Variants in HCN1 observed in about 807,000 individuals in gnomAD.
HCN1 encodes the protein potassium/sodium hyperpolarization-activated cyclic nucleotide-gated channel 1.
A neutral mutation model predicts 78.9 loss-of-function variants in HCN1; 13 were observed. The observed-to-expected ratio is 0.16, with a 90% CI of 0.11 to 0.26. The LOEUF (loss-of-function observed/expected upper bound fraction) is 0.26. HCN1 is among the 10% of genes least tolerant of loss of function. The probability of loss-of-function intolerance (pLI) is 1.00; values close to 1 mark genes in which losing one functional copy is unlikely to be tolerated. For synonymous variants in HCN1, 552 were observed against 455.5 expected (o/e 1.21, Z -2.70); for missense variants, 810 against 1,154.3 (o/e 0.70, Z 4.32).
At chr5:45,454,434 G>C (rs1740983894) in intron 3 of HCN1, among the ~76,000 whole-genome samples, 1 of 149,682 alleles carries the variant, frequency 6.7e-6, no homozygotes. Context: ...TTTTCCAGTA[G>C]AGCTACAGTG....
intron 3 of HCN1, among the ~76,000 whole-genome samples, chr5:45,406,315 A>G (rs1739918590): frequency 6.6e-6 from 1 of 152,180 alleles, no homozygotes; most frequent in African/African-American, 2.4e-5. Flanking sequence ...TAGTGAATAT[A>G]TTTTATGTGT....
chr5:45,426,350 G>T (rs1174234692), intron 3 of HCN1, among the ~76,000 whole-genome samples: 3 of 152,118 alleles, frequency 2.0e-5, no homozygotes, highest in Non-Finnish European at 4.4e-5. Context: ...AACAGGATAT[G>T]TCCCTGATAT....
At chr5:45,286,206 G>A (rs1745267837) in intron 6 of HCN1, among the ~76,000 whole-genome samples, 1 of 151,710 alleles carries the variant, frequency 6.6e-6, no homozygotes. Flanking sequence ...TACTTATATG[G>A]TTTAAAAATA....
intron 2 of HCN1, among the ~76,000 whole-genome samples, chr5:45,566,153 C>T (rs1743703409): frequency 6.6e-6 from 1 of 152,100 alleles, no homozygotes; most frequent in African/African-American, 2.4e-5. Flanking sequence ...CTCATCTCTC[C>T]TAATCTGAGA....
chr5:45,561,024 T>C (rs554118221), intron 2 of HCN1, among the ~76,000 whole-genome samples: 1 of 152,234 alleles, frequency 6.6e-6, no homozygotes, highest in East Asian at 1.9e-4. Flanking sequence ...GATTCTGTCT[T>C]TGTTTCTACT....
intron 2 of HCN1, among the ~76,000 whole-genome samples, chr5:45,491,282 C>A (rs970043471): frequency 5.9e-5 from 9 of 152,076 alleles, no homozygotes; most frequent in South Asian, 4.1e-4. Flanking sequence ...GTAAGTCTTA[C>A]GTCAAGCTTT....
chr5:45,391,749 G>A (rs1010088452), intron 4 of HCN1, among the ~76,000 whole-genome samples: 1 of 152,074 alleles, frequency 6.6e-6, no homozygotes, highest in Non-Finnish European at 1.5e-5. Flanking sequence ...AATTCTAGAA[G>A]AGAAAGCAGA....
intron 2 of HCN1, among the ~76,000 whole-genome samples, chr5:45,637,891 AT>A (rs1745383903): frequency 6.6e-6 from 1 of 152,146 alleles, no homozygotes; most frequent in Non-Finnish European, 1.5e-5. Flanking sequence ...TTACAGAAAT[AT>A]TTTCAGCAGG....
At chr5:45,275,247 GAA>G (rs779327836) in intron 6 of HCN1, among the ~76,000 whole-genome samples, 3 of 103,728 alleles carry the variant, frequency 2.9e-5, no homozygotes, top group East Asian at 2.9e-4. Context: ...CTCTGTCTCA[GAA>G]AAAAAAAAAA....
At chr5:45,620,950 G>C (rs1486179868) in intron 2 of HCN1, among the ~76,000 whole-genome samples, 2 of 152,060 alleles carry the variant, frequency 1.3e-5, no homozygotes, top group Non-Finnish European at 2.9e-5. Flanking sequence ...GTTAAAACTG[G>C]ATTAGACAAT....
At position 45,315,024 on chromosome 5, in the gene HCN1, T is replaced by G. The variant is rs762601206; in HGVS notation, c.1378-11185A>C. Among the ~76,000 whole-genome samples, 38 of 152,038 alleles carry G rather than the reference T, an allele frequency of 2.5e-4. 1 individual carries two copies. The highest frequency in any genetic ancestry group is 5.9e-4 in the Admixed American group (9 of 15,244). On this transcript the variant is annotated intron_variant, in intron 5 of 7. Coordinates refer to ENST00000303230, the MANE Select transcript of HCN1 (RefSeq NM_021072.4). ...GATCAACGAGACAGAAAGTTAACCA[T>G]GATATCCAGGAATTGAACTCAGCTC...
At chr5:45,476,102 G>A (rs558092193) in intron 2 of HCN1, among the ~76,000 whole-genome samples, 10 of 152,108 alleles carry the variant, frequency 6.6e-5, no homozygotes, top group Non-Finnish European at 1.2e-4. Flanking sequence ...GCATTCTCAA[G>A]GTTTCCATAG....
intron 3 of HCN1, among the ~76,000 whole-genome samples, chr5:45,425,784 C>T (rs1740334299): frequency 6.6e-6 from 1 of 152,102 alleles, no homozygotes; most frequent in Non-Finnish European, 1.5e-5. Flanking sequence ...AGAGATTTTA[C>T]CGACAGAAGA....
intron 2 of HCN1, among the ~76,000 whole-genome samples, chr5:45,478,897 G>C (rs1362039659): frequency 1.3e-5 from 2 of 152,164 alleles, no homozygotes; most frequent in Non-Finnish European, 2.9e-5. Context: ...GCCGAGGCGG[G>C]CAGATCATGA....
intron 2 of HCN1, among the ~76,000 whole-genome samples, chr5:45,519,216 C>T (rs1166177517): frequency 6.6e-6 from 1 of 151,980 alleles, no homozygotes; most frequent in Non-Finnish European, 1.5e-5. Context: ...TCTGAGTTTT[C>T]TCCTCCTAAG....
intron 5 of HCN1, among the ~76,000 whole-genome samples, chr5:45,313,930 T>C (rs1165954546): frequency 6.6e-6 from 1 of 152,188 alleles, no homozygotes; most frequent in African/African-American, 2.4e-5. Context: ...ACAACCAAGT[T>C]GGAAAACACT....
At chr5:45,323,580 T>C (rs1746171564) in intron 5 of HCN1, among the ~76,000 whole-genome samples, 1 of 152,062 alleles carries the variant, frequency 6.6e-6, no homozygotes, top group Non-Finnish European at 1.5e-5. Context: ...TTATCATTAT[T>C]ATACTTTAAG....
chr5:45,576,815 G>C (rs1743956519), intron 2 of HCN1, among the ~76,000 whole-genome samples: 1 of 152,002 alleles, frequency 6.6e-6, no homozygotes, highest in Non-Finnish European at 1.5e-5. Flanking sequence ...CAAACCAGCA[G>C]TATTTTGGAG....
At chr5:45,296,368 A>G (rs534878989) in intron 6 of HCN1, among the ~76,000 whole-genome samples, 2 of 151,956 alleles carry the variant, frequency 1.3e-5, no homozygotes, top group Non-Finnish European at 2.9e-5. Flanking sequence ...ATCACACTGA[A>G]AAACCATATG....
Sources: allele counts gnomAD v4.1 joint callset (sites outside exome capture counted in the v4.1 genomes callset), GRCh38; gene constraint gnomAD v4.1.1; transcripts MANE v1.5; gene names NCBI Gene and HGNC (gene_info 2026-07-23, HGNC 2026-07-21).